EPB41L2: variants seen among roughly 807,000 people sequenced by gnomAD.
EPB41L2 encodes the protein band 4.1-like protein 2.
In EPB41L2, 43 loss-of-function variants were observed where a neutral mutation model predicts 113.0. The observed-to-expected ratio is 0.38, with a 90% CI of 0.30 to 0.49. EPB41L2 has a LOEUF of 0.49. EPB41L2 is among the 20% of genes least tolerant of loss of function. The probability of loss-of-function intolerance (pLI) is 0.95; values close to 1 mark genes in which losing one functional copy is unlikely to be tolerated. For synonymous variants in EPB41L2, 442 were observed against 436.7 expected, an observed-to-expected ratio of 1.01 and a Z score of -0.15; for missense variants, 1,147 against 1,223.4, an observed-to-expected ratio of 0.94 and a Z score of 0.93.
intron 10 of EPB41L2, among the ~76,000 whole-genome samples, chr6:130,893,025 A>G (rs545006133): frequency 1.1e-4 from 17 of 152,312 alleles, no homozygotes; most frequent in Admixed American, 2.0e-4. Context: ...AAACTGAGGA[A>G]ACGGAGAAAA....
In EPB41L2 at chr6:130,847,199, A is replaced by G. The variant is rs75182173; in HGVS notation, c.*6-6601T>C. Among the ~76,000 whole-genome samples, 3,512 of 152,052 alleles carry G rather than the reference A, an allele frequency of 0.023. 224 individuals are homozygous for G. The East Asian group carries it at 0.27, about 11-fold the overall frequency. ...CCATGTGCTCTTTCTTCCCTCCCCA[A>G]TCTCCAACTATCCAGATTGCCCTTG... On this transcript the variant is annotated intron_variant, in intron 19 of 19. Coordinates refer to ENST00000337057, the MANE Select transcript of EPB41L2 (RefSeq NM_001431.4).
Position 130,848,195 on chromosome 6 carries a change from TCTCTCACACACA to T in EPB41L2, c.*6-7609_*6-7598del, listed in dbSNP as rs1236284142. On this transcript the variant is annotated intron_variant, in intron 19 of 19. Coordinates refer to ENST00000337057, the MANE Select transcript of EPB41L2 (RefSeq NM_001431.4). ...CTGTCTCTCTCTGTCTCTCTCTCTCTCTCTCACACACACACACACACACACACACACACACAC... is the reference window on the plus strand; with the variant it reads ...CTGTCTCTCTCTGTCTCTCTCTCTCTCACACACACACACACACACACACAC... Among the ~76,000 whole-genome samples, 314 of 110,736 alleles carry T rather than the reference TCTCTCACACACA, an allele frequency of 2.8e-3. 1 individual carries two copies. Among genetic ancestry groups the T allele is most frequent in the African/African-American group, 0.014 (292 of 21,578 alleles). 72.6% of individuals were successfully genotyped at this position (110,736 alleles called of 152,430 possible).
chr6:130,885,489 C>T (rs1790654830), intron 11 of EPB41L2, among the ~76,000 whole-genome samples: 1 of 152,114 alleles, frequency 6.6e-6, no homozygotes, highest in Non-Finnish European at 1.5e-5. Flanking sequence ...TGAGCTACAC[C>T]AGGGTCTCAA....
chr6:130,894,227 C>T (rs996661609), intron 10 of EPB41L2, 117 bp downstream of exon 10: 4 of 761,514 alleles, frequency 5.3e-6, no homozygotes. Flanking sequence ...AGTATGTTCC[C>T]CAGGCTGGTC....
chr6:130,918,331 G>T (rs1332870765), intron 4 of EPB41L2, among the ~76,000 whole-genome samples: 2 of 152,018 alleles, frequency 1.3e-5, no homozygotes, highest in African/African-American at 4.8e-5. Context: ...AATATAGCTT[G>T]CAGCAAAATG....
intron 3 of EPB41L2, among the ~76,000 whole-genome samples, chr6:130,940,073 G>A (rs926667899): frequency 5.3e-5 from 8 of 152,334 alleles, no homozygotes; most frequent in East Asian, 3.9e-4. Context: ...AAGGATAGGA[G>A]GTAGGATCAG....
At chr6:130,983,750 A>G (rs979005828) in intron 1 of EPB41L2, among the ~76,000 whole-genome samples, 40 of 152,140 alleles carry the variant, frequency 2.6e-4, no homozygotes, top group African/African-American at 9.4e-4. Flanking sequence ...GCTGGTCTCA[A>G]GCTCCTGGGT....
rs200522047 is a variant in EPB41L2, at chr6:131,048,138, CAAAAAAAAAAAA to C, written c.-15+15005_-15+15016del. Among the ~76,000 whole-genome samples, 1,739 of 53,030 alleles carry C rather than the reference CAAAAAAAAAAAA, an allele frequency of 0.033. 196 individuals carry two copies. The East Asian group carries it at 0.46, about 14-fold the overall frequency. The allele number at this position is 53,030 out of a possible 152,430, so 34.8% of individuals were successfully genotyped here. ...TGGGCGACAGAGCAAGACTCTGTCT[CAAAAAAAAAAAA>C]AAAAAAAGAAAAAAAGAAAAGAAAA... On this transcript the variant is annotated intron_variant, in intron 1 of 19. Coordinates refer to ENST00000337057, the MANE Select transcript of EPB41L2 (RefSeq NM_001431.4).
intron 1 of EPB41L2, among the ~76,000 whole-genome samples, chr6:131,006,236 T>C (rs1020010679): frequency 2.0e-5 from 3 of 151,786 alleles, no homozygotes; most frequent in Non-Finnish European, 2.9e-5. Flanking sequence ...TTGTATTTTT[T>C]AGTAGAGACA....
intron 12 of EPB41L2, 119 bp from the exon 13 acceptor site, chr6:130,880,325 C>T (rs1405130190): frequency 1.0e-5 from 7 of 684,548 alleles, no homozygotes; most frequent in African/African-American, 5.4e-5. Flanking sequence ...AAGAGGAATA[C>T]AAATCTTATG....
intron 1 of EPB41L2, among the ~76,000 whole-genome samples, chr6:130,960,648 C>G (rs1773256615): frequency 6.6e-6 from 1 of 152,180 alleles, no homozygotes; most frequent in South Asian, 2.1e-4. Flanking sequence ...ATTCTTGAAA[C>G]AGTTTCAAGA....
At chr6:130,953,716 T>C (rs1449615328) in intron 3 of EPB41L2, among the ~76,000 whole-genome samples, 2 of 151,960 alleles carry the variant, frequency 1.3e-5, no homozygotes, top group Non-Finnish European at 2.9e-5. Context: ...TTAATCACTC[T>C]GCCTTCATGA....
intron 14 of EPB41L2, among the ~76,000 whole-genome samples, chr6:130,875,543 A>G (rs967008884): frequency 3.9e-5 from 6 of 152,014 alleles, no homozygotes; most frequent in African/African-American, 1.4e-4. Context: ...ACATTTTCAC[A>G]TGTCCACCTG....
Position 130,982,429 on chromosome 6 carries a change from T to G in EPB41L2, c.-14-25930A>C, listed in dbSNP as rs17059909. On this transcript the variant is annotated intron_variant, in intron 1 of 19. Transcript: ENST00000337057. The stretch of plus-strand genomic sequence containing the variant: ...CAAGTGTCAGATATTCTCCAATTCT[T>G]TGGAAGGGAAGTTAATGACAGACAG... Among the ~76,000 whole-genome samples, 3,060 of 152,258 alleles carry G rather than the reference T, an allele frequency of 0.02. 200 individuals carry two copies. The East Asian group carries it at 0.27, about 13-fold the overall frequency.
At chr6:130,942,957 C>T (rs1489245187) in intron 3 of EPB41L2, among the ~76,000 whole-genome samples, 5 of 152,118 alleles carry the variant, frequency 3.3e-5, no homozygotes, top group Admixed American at 6.5e-5. Context: ...TAGTATTCTA[C>T]GGTGTATATG....
intron 3 of EPB41L2, among the ~76,000 whole-genome samples, chr6:130,930,392 G>A (rs180834270): frequency 2.0e-5 from 3 of 152,202 alleles, no homozygotes; most frequent in East Asian, 1.9e-4. Context: ...GTTTTTTAAC[G>A]CCAACATTAT....
intron 1 of EPB41L2, among the ~76,000 whole-genome samples, chr6:131,001,399 T>C (rs1784357304): frequency 6.6e-6 from 1 of 152,148 alleles, no homozygotes; most frequent in African/African-American, 2.4e-5. Flanking sequence ...TTCTTTATAT[T>C]ACATGGAACA....
At chr6:131,009,882 C>T (rs1232911490) in intron 1 of EPB41L2, among the ~76,000 whole-genome samples, 5 of 152,152 alleles carry the variant, frequency 3.3e-5, no homozygotes, top group East Asian at 1.9e-4. Flanking sequence ...GTTCTGCCAC[C>T]GTAATCACTG....
At chr6:131,050,289 A>C (rs941690420) in intron 1 of EPB41L2, among the ~76,000 whole-genome samples, 1 of 152,198 alleles carries the variant, frequency 6.6e-6, no homozygotes, top group East Asian at 1.9e-4. Context: ...CAGTGAGCCA[A>C]GATTGCGCCA....
Sources: gnomAD v4.1 joint callset for allele counts (sites outside exome capture counted in the v4.1 genomes callset) on GRCh38, gnomAD v4.1.1 for gene constraint, MANE v1.5 for transcripts, NCBI Gene and HGNC (gene_info 2026-07-23, HGNC 2026-07-21) for gene names.